Variants in RIMBP2 observed in about 807,000 individuals in gnomAD.
RIMBP2 encodes the protein RIMS-binding protein 2.
RIMBP2 carries 48 observed loss-of-function variants against 118.6 expected under a neutral mutation model. That is an observed-to-expected ratio of 0.40 (90% CI 0.32 to 0.51). The LOEUF is 0.51. Among genes scored for constraint, RIMBP2 ranks in the 20% least tolerant of loss-of-function variants. The pLI, the probability that RIMBP2 is intolerant of heterozygous loss-of-function variation, is 0.41. For synonymous variants in RIMBP2, 762 were observed against 742.9 expected, an observed-to-expected ratio of 1.03 and a Z score of -0.42; for missense variants, 1,551 against 1,768.3, an observed-to-expected ratio of 0.88 and a Z score of 2.20.
chr12:130,523,790 G>A lies in RIMBP2; in HGVS notation c.-216-5873C>T, dbSNP rs1008708321. 2.6e-5 allele frequency among the ~76,000 whole-genome samples: 4 copies of A among 152,204 alleles called. No homozygotes were observed. Among genetic ancestry groups the A allele is most frequent in the South Asian group, 2.1e-4 (1 of 4,822 alleles). ...CAGCCTTGTGGGTGCAGCAGACAGC[G>A]CAGGGCATTCTGGGTTGAGATGTCA... On this transcript the variant is annotated intron_variant, in intron 2 of 22. Transcript: ENST00000690449. This position sits in a 1 kb window ranked among gnomAD's most constrained non-coding sequence, Gnocchi z 4.4.
At chr12:130,545,382 CA>C (rs1361539037) in intron 2 of RIMBP2, among the ~76,000 whole-genome samples, 1 of 149,748 alleles carries the variant, frequency 6.7e-6, no homozygotes, top group Admixed American at 6.7e-5. Context: ...GATTCAATGC[CA>C]AAAAAATGTA....
Position 130,584,563 on chromosome 12 carries a change from ACC to A in RIMBP2, c.-217+43757_-217+43758del, listed in dbSNP as rs1566309970. ...TCACCACCATCACATCACCACCATCACCTCATCACCACCATTACATCACCACC... is the reference window on the plus strand; with the variant it reads ...TCACCACCATCACATCACCACCATCATCATCACCACCATTACATCACCACC... On this transcript the variant is annotated intron_variant, in intron 2 of 22. Coordinates refer to ENST00000690449, the MANE Select transcript of RIMBP2 (RefSeq NM_001393629.1). Among the ~76,000 whole-genome samples, 3 of 151,008 alleles carry A rather than the reference ACC, an allele frequency of 2.0e-5. No homozygotes were observed. The East Asian group carries it at 5.9e-4, about 30-fold the overall frequency.
rs1419190515 is a variant in RIMBP2, at chr12:130,647,655, A to G, written c.-351-19199T>C. Among the ~76,000 whole-genome samples, 4 of 145,208 alleles carry G rather than the reference A, an allele frequency of 2.8e-5. No individual in the cohort carries two copies. In the East Asian group the frequency reaches 5.8e-4, roughly 21 times the overall value. ...GCTAACATTCTTTTCTGCTGACCCT[A>G]AATTTTTACACAAAGTTTCTCCTCC... On this transcript the variant is annotated intron_variant, in intron 1 of 22. Coordinates refer to ENST00000690449, the MANE Select transcript of RIMBP2 (RefSeq NM_001393629.1).
intron 1 of RIMBP2, among the ~76,000 whole-genome samples, chr12:130,701,148 G>T (rs1010289777): frequency 1.3e-5 from 2 of 152,192 alleles, no homozygotes; most frequent in African/African-American, 2.4e-5. Flanking sequence ...AGGCCACTGG[G>T]TTCAGCTGTA....
chr12:130,512,945 CTA>C (rs1224701364), intron 3 of RIMBP2, among the ~76,000 whole-genome samples: 1 of 152,088 alleles, frequency 6.6e-6, no homozygotes, highest in Non-Finnish European at 1.5e-5. Flanking sequence ...TCCCAAATGT[CTA>C]TGTGTGTCAT....
chr12:130,456,780 T>TACAAC, intron 6 of RIMBP2, 80 bp from the exon 7 acceptor site: 1 of 1,104,690 alleles, frequency 9.1e-7, no homozygotes. Context: ...ACATGTGTTG[T>TACAAC]ACGTGTGCAC....
At chr12:130,549,254 G>A (rs2055491584) in intron 2 of RIMBP2, among the ~76,000 whole-genome samples, 1 of 152,172 alleles carries the variant, frequency 6.6e-6, no homozygotes, top group South Asian at 2.1e-4. Flanking sequence ...TATGGACTAA[G>A]CTGGCATCTG....
intron 2 of RIMBP2, among the ~76,000 whole-genome samples, chr12:130,547,907 A>G (rs1474715651): frequency 1.3e-5 from 2 of 152,214 alleles, no homozygotes; most frequent in African/African-American, 2.4e-5. Flanking sequence ...AGAAAGGCCT[A>G]ATCTCTCTCT....
intron 1 of RIMBP2, among the ~76,000 whole-genome samples, chr12:130,669,452 C>T (rs1251437754): frequency 6.6e-6 from 1 of 152,132 alleles, no homozygotes; most frequent in African/African-American, 2.4e-5. Context: ...GGTGATTGCA[C>T]CACGGGGCGG....
intron 7 of RIMBP2, among the ~76,000 whole-genome samples, chr12:130,453,315 C>G (rs2079151529): frequency 6.6e-6 from 1 of 152,266 alleles, no homozygotes; most frequent in South Asian, 2.1e-4. Flanking sequence ...GCCCCAGCCA[C>G]AGGCTGGAGG....
At chr12:130,456,965 T>C (rs1378924827) in intron 6 of RIMBP2, among the ~76,000 whole-genome samples, 1 of 152,210 alleles carries the variant, frequency 6.6e-6, no homozygotes, top group Non-Finnish European at 1.5e-5. Context: ...CAGCTTCTCC[T>C]GCCACCTGGC....
At chr12:130,679,399 A>G (rs1481395847) in intron 1 of RIMBP2, among the ~76,000 whole-genome samples, 1 of 152,234 alleles carries the variant, frequency 6.6e-6, no homozygotes, top group Non-Finnish European at 1.5e-5. Context: ...TTACTAGGAA[A>G]CAACCTCTTT....
intron 2 of RIMBP2, among the ~76,000 whole-genome samples, chr12:130,585,092 G>C (rs1206198182): frequency 6.6e-6 from 1 of 152,088 alleles, no homozygotes; most frequent in Non-Finnish European, 1.5e-5. Context: ...GTCTCGCTCT[G>C]TTGCCCAGGC....
At chr12:130,674,797 C>T (rs1056799400) in intron 1 of RIMBP2, among the ~76,000 whole-genome samples, 2 of 151,458 alleles carry the variant, frequency 1.3e-5, no homozygotes, top group Non-Finnish European at 2.9e-5. Context: ...CACCCTCCAT[C>T]AGCATGCTTT....
intron 1 of RIMBP2, among the ~76,000 whole-genome samples, chr12:130,706,114 G>A (rs1285272162): frequency 2.6e-5 from 4 of 152,134 alleles, no homozygotes; most frequent in Non-Finnish European, 4.4e-5. Context: ...AGCAGGAATC[G>A]TAATAGCTAA....
At chr12:130,605,455 G>A (rs1415027532) in intron 2 of RIMBP2, among the ~76,000 whole-genome samples, 1 of 152,188 alleles carries the variant, frequency 6.6e-6, no homozygotes, top group Non-Finnish European at 1.5e-5. Flanking sequence ...TATAAAAAAT[G>A]TCCTGGGGAT....
At chr12:130,451,917 G>A (rs1235321446) in intron 7 of RIMBP2, among the ~76,000 whole-genome samples, 3 of 152,184 alleles carry the variant, frequency 2.0e-5, no homozygotes. Flanking sequence ...CTGGCCAAAG[G>A]GGTGGGTTTG....
chr12:130,671,881 A>T (rs965286995), intron 1 of RIMBP2, among the ~76,000 whole-genome samples: 1 of 152,258 alleles, frequency 6.6e-6, no homozygotes, highest in Non-Finnish European at 1.5e-5. Flanking sequence ...ATATACTGGT[A>T]GATGAGAAAG....
At chr12:130,535,756 T>C (rs868057096) in intron 2 of RIMBP2, among the ~76,000 whole-genome samples, 2,445 of 57,008 alleles carry the variant, frequency 0.043, 74 homozygotes, top group African/African-American at 0.11. Context: ...TATATATATA[T>C]ATATATATAT....
Sources: allele counts gnomAD v4.1 joint callset (sites outside exome capture counted in the v4.1 genomes callset), GRCh38; gene constraint gnomAD v4.1.1; non-coding constraint Gnocchi (gnomAD v3.1); transcripts MANE v1.5; gene names NCBI Gene and HGNC (gene_info 2026-07-23, HGNC 2026-07-21).